NTM: variants seen among roughly 807,000 people sequenced by gnomAD.
The protein encoded by NTM is neurotrimin.
A neutral mutation model predicts 42.1 loss-of-function variants in NTM; 13 were observed. The ratio of observed to expected loss-of-function variants is 0.31; its 90% CI spans 0.20 to 0.49. The LOEUF (loss-of-function observed/expected upper bound fraction) is 0.49, where lower values mean the gene tolerates loss of function less well. Ranked by LOEUF, NTM falls within the 20% of genes least tolerant of loss-of-function variation. The pLI, the probability that NTM is intolerant of heterozygous loss-of-function variation, is 0.99. For synonymous variants in NTM, 187 were observed against 179.2 expected (o/e 1.04, Z -0.35); for missense variants, 373 against 452.8 (o/e 0.82, Z 1.60).
chr11:131,978,206 A>G lies in NTM; in HGVS notation c.167+66558A>G, dbSNP rs544205497. 2.6e-5 allele frequency among the ~76,000 whole-genome samples: 4 copies of G among 152,252 alleles called. No individual in the cohort carries two copies. In the East Asian group the frequency reaches 7.7e-4, roughly 29 times the overall value. The stretch of plus-strand genomic sequence containing the variant: ...CCTCGAGTGTGAAGTGCAAATTGAC[A>G]ATGGATGGAACAATAGCATTGGCTA... On this transcript the variant is annotated intron_variant, in intron 2 of 8. Coordinates refer to ENST00000683400, the MANE Select transcript of NTM (RefSeq NM_001352005.2).
At chr11:131,600,709 T>C (rs1367150905) in intron 1 of NTM, among the ~76,000 whole-genome samples, 5 of 152,046 alleles carry the variant, frequency 3.3e-5, no homozygotes, top group Non-Finnish European at 5.9e-5. Flanking sequence ...GGCCAGGAGG[T>C]ACTTATGGGC....
At chr11:132,019,722 T>C (rs2074033108) in intron 2 of NTM, among the ~76,000 whole-genome samples, 1 of 152,220 alleles carries the variant, frequency 6.6e-6, no homozygotes, top group African/African-American at 2.4e-5. Flanking sequence ...GCTTTGAATC[T>C]AACATGTAGA....
intron 1 of NTM, among the ~76,000 whole-genome samples, chr11:131,626,538 G>A (rs530992225): frequency 1.3e-5 from 2 of 152,246 alleles, no homozygotes; most frequent in East Asian, 1.9e-4. Flanking sequence ...TCCTCAATAG[G>A]AGATGATCAG....
At chr11:131,989,970 T>C (rs543732066) in intron 2 of NTM, among the ~76,000 whole-genome samples, 4 of 152,270 alleles carry the variant, frequency 2.6e-5, no homozygotes, top group Admixed American at 1.3e-4. Context: ...AATTCTTTCA[T>C]GCAAGAAGTT....
At chr11:131,697,078 G>A (rs1394039083) in intron 1 of NTM, among the ~76,000 whole-genome samples, 1 of 152,200 alleles carries the variant, frequency 6.6e-6, no homozygotes, top group Non-Finnish European at 1.5e-5. Context: ...GAAGCCGGCT[G>A]GGGGCACGGT....
At chr11:132,284,445 T>C (rs1254250948) in intron 4 of NTM, 1 of 152,444 alleles carries the variant, frequency 6.6e-6, no homozygotes, top group African/African-American at 2.4e-5. Context: ...TCCCATTAGA[T>C]TGGGTCTCCC....
At chr11:131,706,570 A>T (rs2076612484) in intron 1 of NTM, among the ~76,000 whole-genome samples, 1 of 152,064 alleles carries the variant, frequency 6.6e-6, no homozygotes, top group Admixed American at 6.5e-5. Context: ...ATTCTCCAGG[A>T]TTGATCATAT....
chr11:131,481,732 T>C (rs531563422), intron 1 of NTM, among the ~76,000 whole-genome samples: 13 of 152,328 alleles, frequency 8.5e-5, no homozygotes, highest in African/African-American at 2.9e-4. Context: ...ACCATCACTA[T>C]GAGCTCTGCA....
At chr11:131,804,695 G>A (rs557688177) in intron 1 of NTM, among the ~76,000 whole-genome samples, 5 of 152,190 alleles carry the variant, frequency 3.3e-5, no homozygotes, top group African/African-American at 7.2e-5. Context: ...CCCCCAGGCC[G>A]CATACTATGT....
At chr11:132,331,294 T>C (rs1240457663) in intron 8 of NTM, among the ~76,000 whole-genome samples, 2 of 152,200 alleles carry the variant, frequency 1.3e-5, no homozygotes, top group Admixed American at 1.3e-4. Context: ...GGTGTTGTGA[T>C]AGCTTTCCCA....
chr11:131,605,421 T>G (rs2060861806), intron 1 of NTM, among the ~76,000 whole-genome samples: 1 of 152,266 alleles, frequency 6.6e-6, no homozygotes. Flanking sequence ...GCACATTTAC[T>G]GAATGTATTT....
At chr11:131,831,720 T>G (rs748961489) in intron 1 of NTM, among the ~76,000 whole-genome samples, 4 of 152,132 alleles carry the variant, frequency 2.6e-5, no homozygotes, top group African/African-American at 4.8e-5. Flanking sequence ...TGGATTTGTG[T>G]TCATGCTGTG....
chr11:132,282,197 A>C (rs537442366), intron 4 of NTM, among the ~76,000 whole-genome samples: 2 of 152,232 alleles, frequency 1.3e-5, no homozygotes, highest in African/African-American at 4.8e-5. Context: ...GCCTGGCTCA[A>C]TGTTTACATT....
chr11:131,800,482 G>C (rs1429896585), intron 1 of NTM, among the ~76,000 whole-genome samples: 2 of 152,284 alleles, frequency 1.3e-5, no homozygotes, highest in African/African-American at 4.8e-5. Flanking sequence ...TCTTCTCCCT[G>C]CAAAAGATTC....
intron 1 of NTM, among the ~76,000 whole-genome samples, chr11:131,552,483 C>T (rs554437874): frequency 1.1e-4 from 14 of 126,492 alleles, no homozygotes; most frequent in Admixed American, 5.5e-4. Context: ...CCAGCCTGGG[C>T]GACAGAGCGA....
intron 4 of NTM, among the ~76,000 whole-genome samples, chr11:132,276,473 A>G (rs2093731214): frequency 6.6e-6 from 1 of 152,152 alleles, no homozygotes; most frequent in Non-Finnish European, 1.5e-5. Context: ...ACTGGTAAAC[A>G]GTTTCCTAAA....
intron 2 of NTM, among the ~76,000 whole-genome samples, chr11:131,943,612 CCTTCACTCT>C (rs2060039234): frequency 6.6e-6 from 1 of 152,144 alleles, no homozygotes; most frequent in Non-Finnish European, 1.5e-5. Context: ...TCGTTTTTTC[CCTTCACTCT>C]CTGAGCACCT....
chr11:132,106,465 G>T (rs554104646), intron 2 of NTM, among the ~76,000 whole-genome samples: 1 of 152,200 alleles, frequency 6.6e-6, no homozygotes, highest in Non-Finnish European at 1.5e-5. Flanking sequence ...CAAACTCTCC[G>T]CAGGAAGCAA....
intron 1 of NTM, among the ~76,000 whole-genome samples, chr11:131,699,818 C>T (rs2658822): frequency 0.14 from 20,587 of 151,956 alleles, 1,715 homozygotes; most frequent in South Asian, 0.22. Flanking sequence ...CCACCAGGTC[C>T]CTCCCACTAC....
Sources: allele counts gnomAD v4.1 joint callset (sites outside exome capture counted in the v4.1 genomes callset), GRCh38; gene constraint gnomAD v4.1.1; transcripts MANE v1.5; gene names NCBI Gene and HGNC (gene_info 2026-07-23, HGNC 2026-07-21).